SYT16: variants seen among roughly 807,000 people sequenced by gnomAD.
SYT16 encodes synaptotagmin 16, also known as synaptotagmin-16.
A neutral mutation model predicts 61.4 loss-of-function variants in SYT16; 42 were observed. That is an observed-to-expected ratio of 0.68 (90% CI 0.53 to 0.89). The LOEUF (loss-of-function observed/expected upper bound fraction) is 0.89, where lower values mean the gene tolerates loss of function less well. SYT16 is among the 40% of genes least tolerant of loss of function. The probability of loss-of-function intolerance (pLI) is 0.00; values close to 1 mark genes in which losing one functional copy is unlikely to be tolerated. For missense variants in SYT16, 804 were observed against 807.3 expected (o/e 1.00, Z 0.05); for synonymous variants, 314 against 302.3 (o/e 1.04, Z -0.40).
intron 3 of SYT16, among the ~76,000 whole-genome samples, chr14:62,019,362 CAGTG>C (rs1291502575): frequency 1.3e-5 from 2 of 152,142 alleles, no homozygotes; most frequent in Non-Finnish European, 2.9e-5. Flanking sequence ...TAACTTATCA[CAGTG>C]AGCGTGTGTG....
At chr14:62,014,208 C>T (rs552178431) in intron 3 of SYT16, among the ~76,000 whole-genome samples, 3 of 152,254 alleles carry the variant, frequency 2.0e-5, no homozygotes, top group African/African-American at 7.2e-5. Context: ...ACTGCCTTCA[C>T]GTGGATGACA....
intron 1 of SYT16, among the ~76,000 whole-genome samples, chr14:61,910,522 G>T (rs949719369): frequency 1.0e-5 from 1 of 97,844 alleles, no homozygotes; most frequent in Admixed American, 1.1e-4. Flanking sequence ...GCCGCATCCC[G>T]CTGTTTTGTT....
chr14:61,981,205 A>C (rs76709682), intron 2 of SYT16, among the ~76,000 whole-genome samples: 7,374 of 152,270 alleles, frequency 0.048, 266 homozygotes, highest in East Asian at 0.13. Context: ...TATGGAGGGC[A>C]ATCTGCTTTG....
chr14:61,889,957 G>A (rs187467601), intron 1 of SYT16, among the ~76,000 whole-genome samples: 5 of 152,008 alleles, frequency 3.3e-5, no homozygotes, highest in Non-Finnish European at 7.4e-5. Context: ...CAGAGGGGCT[G>A]GATACAAGTT....
rs112554070 is a variant in SYT16 at position 62,017,281 on chromosome 14, G to T, written c.523+20739G>T. On this transcript the variant is annotated intron_variant, in intron 3 of 7. Transcript: ENST00000683842. ...TAGTTTCCTTTGCTTGATCTCCAAT[G>T]CCTCCCTGACTTCTAAATGTTACCG... Among the ~76,000 whole-genome samples, 469 of 152,222 alleles carry T rather than the reference G, an allele frequency of 3.1e-3. 4 individuals are homozygous for T. The highest frequency in any genetic ancestry group is 0.011 in the African/African-American group (439 of 41,534).
chr14:62,100,308 C>CAT, intron 7 of SYT16, 86 bp from the exon 8 acceptor site: 1 of 1,184,758 alleles, frequency 8.4e-7, no homozygotes, highest in Non-Finnish European at 1.2e-6. Context: ...ATTTGTAGCC[C>CAT]ATATAAATGT....
intron 3 of SYT16, among the ~76,000 whole-genome samples, chr14:62,004,024 G>T (rs1327472575): frequency 1.3e-5 from 2 of 152,142 alleles, no homozygotes; most frequent in Non-Finnish European, 2.9e-5. Context: ...CTGTGATTGG[G>T]AAGGTCTTTG....
At chr14:61,967,284 C>T (rs968111494) in intron 1 of SYT16, among the ~76,000 whole-genome samples, 1 of 152,120 alleles carries the variant, frequency 6.6e-6, no homozygotes, top group Non-Finnish European at 1.5e-5. Context: ...TCATGAAGGG[C>T]CTTGTAACCT....
At chr14:62,060,924 A>G (rs55811833) in intron 3 of SYT16, among the ~76,000 whole-genome samples, 2,568 of 152,104 alleles carry the variant, frequency 0.017, 66 homozygotes, top group African/African-American at 0.059. Context: ...ATTGAACTCT[A>G]TATCCCAAAA....
chr14:61,945,771 G>A (rs1457008274), intron 1 of SYT16, among the ~76,000 whole-genome samples: 1 of 150,790 alleles, frequency 6.6e-6, no homozygotes, highest in African/African-American at 2.4e-5. Context: ...CAGGAGAATG[G>A]CGTGAACCCG....
intron 1 of SYT16, among the ~76,000 whole-genome samples, chr14:61,956,143 G>T (rs1313902252): frequency 6.6e-6 from 1 of 151,828 alleles, no homozygotes; most frequent in Non-Finnish European, 1.5e-5. Flanking sequence ...TATTAATTGG[G>T]TTATTTGGTA....
chr14:61,924,217 A>G (rs1475504719), intron 1 of SYT16, among the ~76,000 whole-genome samples: 1 of 152,178 alleles, frequency 6.6e-6, no homozygotes, highest in African/African-American at 2.4e-5. Context: ...AATTGGGTGA[A>G]GTTTATTTAT....
intron 3 of SYT16, among the ~76,000 whole-genome samples, chr14:62,026,613 C>T (rs2054113196): frequency 6.6e-6 from 1 of 152,178 alleles, no homozygotes; most frequent in Admixed American, 6.5e-5. Flanking sequence ...GAAGGAGACA[C>T]AGTCAAACCA....
At chr14:61,970,340 G>A (rs575399441) in intron 2 of SYT16, 29 bp downstream of exon 2, 2 of 152,338 alleles carry the variant, frequency 1.3e-5, no homozygotes, top group East Asian at 3.9e-4. Flanking sequence ...ATTCTCCTGG[G>A]CTTGGCAACT....
intron 1 of SYT16, among the ~76,000 whole-genome samples, chr14:61,842,883 A>G (rs1312657000): frequency 6.6e-6 from 1 of 152,148 alleles, no homozygotes; most frequent in African/African-American, 2.4e-5. Flanking sequence ...TATGTAACAA[A>G]CCTGCACATT....
chr14:62,096,825 A>T (rs1566846175), intron 7 of SYT16, among the ~76,000 whole-genome samples: 1 of 152,202 alleles, frequency 6.6e-6, no homozygotes, highest in Non-Finnish European at 1.5e-5. Flanking sequence ...AAAAATCAAT[A>T]AAAAGGCAGA....
At chr14:62,047,584 C>G (rs917649985) in intron 3 of SYT16, among the ~76,000 whole-genome samples, 118 of 152,236 alleles carry the variant, frequency 7.8e-4, no homozygotes, top group African/African-American at 2.6e-3. Flanking sequence ...CAGTTTTTGT[C>G]CATTCAGTAT....
At chr14:61,956,846 T>A (rs1224468117) in intron 1 of SYT16, among the ~76,000 whole-genome samples, 2 of 151,970 alleles carry the variant, frequency 1.3e-5, no homozygotes, top group African/African-American at 4.8e-5. Flanking sequence ...TAAAACATGC[T>A]ATTGTGATTT....
intron 1 of SYT16, among the ~76,000 whole-genome samples, chr14:61,960,546 AT>A (rs1306603116): frequency 1.3e-5 from 2 of 152,148 alleles, no homozygotes; most frequent in Non-Finnish European, 2.9e-5. Flanking sequence ...TCATACATTT[AT>A]TTTGTATCCT....
Sources: gnomAD v4.1 joint callset for allele counts (sites outside exome capture counted in the v4.1 genomes callset) on GRCh38, gnomAD v4.1.1 for gene constraint, MANE v1.5 for transcripts, NCBI Gene and HGNC (gene_info 2026-07-23, HGNC 2026-07-21) for gene names.